SPATA1: variants seen among roughly 807,000 people sequenced by gnomAD.
SPATA1 encodes spermatogenesis associated 1, also known as spermatogenesis-associated protein 1.
A neutral mutation model predicts 59.6 loss-of-function variants in SPATA1; 57 were observed. The ratio of observed to expected loss-of-function variants is 0.96; its 90% CI spans 0.77 to 1.19. The LOEUF (loss-of-function observed/expected upper bound fraction) is 1.19, where lower values mean the gene tolerates loss of function less well. Ranked by LOEUF, SPATA1 falls within the 50% of genes most tolerant of loss-of-function variation. SPATA1 has a pLI of 0.00. For synonymous variants in SPATA1, 147 were observed against 163.9 expected (o/e 0.90, Z 0.79); for missense variants, 448 against 480.7 (o/e 0.93, Z 0.64).
chr1:84,534,476 G>A (rs1364991125), intron 8 of SPATA1, among the ~76,000 whole-genome samples: 2 of 152,040 alleles, frequency 1.3e-5, no homozygotes, highest in Non-Finnish European at 2.9e-5. Context: ...TTTTACAGAT[G>A]AGGAAACTGA....
intron 4 of SPATA1, among the ~76,000 whole-genome samples, chr1:84,559,872 G>A (rs775183113): frequency 6.4e-4 from 97 of 152,018 alleles, no homozygotes; most frequent in Middle Eastern, 3.4e-3. Context: ...ATCACTTGAG[G>A]TCAGGAGTTT....
downstream of SPATA1, among the ~76,000 whole-genome samples, chr1:84,558,289 T>C (rs1281285447): frequency 6.8e-6 from 1 of 147,586 alleles, no homozygotes; most frequent in Non-Finnish European, 1.5e-5. Flanking sequence ...TGCCTGCCAT[T>C]AAACTTTTTT....
chr1:84,525,847 T>A (rs759538063), exon 6 of SPATA1: 2 of 1,610,218 alleles, frequency 1.2e-6, no homozygotes, highest in Non-Finnish European at 1.7e-6. Flanking sequence ...TGTTTTAGGC[T>A]CTTCAACCAG....
intron 4 of SPATA1, among the ~76,000 whole-genome samples, chr1:84,565,306 C>T (rs1173503685): frequency 6.6e-6 from 1 of 151,982 alleles, no homozygotes; most frequent in African/African-American, 2.4e-5. Flanking sequence ...GCAAAGCCTA[C>T]ATCAAATGAA....
chr1:84,548,405 T>C (rs1684159035), intron 10 of SPATA1, among the ~76,000 whole-genome samples: 1 of 146,432 alleles, frequency 6.8e-6, no homozygotes, highest in African/African-American at 2.5e-5. Context: ...TTTATAGTTA[T>C]ATATGTTATA....
At chr1:84,514,458 C>G (rs943267430) in intron 1 of SPATA1, among the ~76,000 whole-genome samples, 3 of 152,098 alleles carry the variant, frequency 2.0e-5, no homozygotes, top group Non-Finnish European at 2.9e-5. Flanking sequence ...TGCATTATAT[C>G]GGTTAAACAA....
At chr1:84,515,118 C>G (rs1682740908) in intron 1 of SPATA1, among the ~76,000 whole-genome samples, 1 of 152,132 alleles carries the variant, frequency 6.6e-6, no homozygotes, top group Admixed American at 6.5e-5. Context: ...TAATTCTTAT[C>G]TAATAATGAA....
chr1:84,545,853 A>T (rs1684069287), intron 10 of SPATA1, 94 bp downstream of exon 10: 1 of 960,794 alleles, frequency 1.0e-6, no homozygotes. Flanking sequence ...TATAATTAAT[A>T]TTTACTGTTT....
intron 4 of SPATA1, 66 bp from the exon 5 acceptor site, chr1:84,525,630 A>T: frequency 2.2e-6 from 3 of 1,386,804 alleles, no homozygotes; most frequent in South Asian, 1.4e-5. Context: ...CAAAAAAAGT[A>T]GAGGTAAAAA....
chr1:84,553,083 G>T, exon 13 of SPATA1: 2 of 1,522,640 alleles, frequency 1.3e-6, no homozygotes, highest in South Asian at 1.3e-5. Flanking sequence ...AACTGAACTG[G>T]CACAGAAAAA....
intron 12 of SPATA1, chr1:84,550,748 T>G (rs1389698915): frequency 1.4e-5 from 15 of 1,095,164 alleles, no homozygotes; most frequent in Admixed American, 5.0e-5. Context: ...AAAGTAAAAT[T>G]TAGTAAAATT....
intron 8 of SPATA1, among the ~76,000 whole-genome samples, chr1:84,543,159 C>T (rs1432247759): frequency 1.3e-5 from 2 of 151,934 alleles, no homozygotes; most frequent in Admixed American, 6.6e-5. Context: ...CTACAGATAA[C>T]GGGGACTAAC....
chr1:84,509,962 T>C (rs944302219), intron 1 of SPATA1, among the ~76,000 whole-genome samples: 9 of 152,172 alleles, frequency 5.9e-5, no homozygotes, highest in African/African-American at 1.9e-4. Flanking sequence ...CTGAAGCAGG[T>C]AGATTTCTCG....
At chr1:84,520,129 A>G (rs1309966314) in intron 2 of SPATA1, 1 of 152,782 alleles carries the variant, frequency 6.5e-6, no homozygotes, top group Non-Finnish European at 1.5e-5. Context: ...CCCAAACCAC[A>G]GTATTAAACT....
intron 6 of SPATA1, among the ~76,000 whole-genome samples, chr1:84,531,319 C>T (rs1052541234): frequency 6.6e-6 from 1 of 151,604 alleles, no homozygotes; most frequent in South Asian, 2.1e-4. Context: ...CGTGCCACCA[C>T]ACCTGGCTAA....
rs1418811205 is a variant in SPATA1 at position 84,545,657 on chromosome 1, A to T, written c.844A>T (p.Lys282Ter). 1 of 1,518,410 alleles carries T rather than the reference A, an allele frequency of 6.6e-7. No individual in the cohort carries two copies. Among genetic ancestry groups the T allele is most frequent in the African/African-American group, 1.4e-5 (1 of 69,934 alleles). The allele number at this position is 1,518,410 out of a possible 1,614,324, so 94.1% of individuals were successfully genotyped here. Residue 282 changes from lysine to a stop codon, truncating the protein, a stop_gained, in exon 10 of 13, where the codon AAA (lysine) becomes TAA (stop). Coordinates refer to ENST00000490879, the Ensembl canonical transcript of SPATA1. LOFTEE classifies it high-confidence loss of function. ...AGGAGAGAAGATTATCAAACAAATGAAACAAGTAAAGGAAGAAAGAAGGTA... is the reference window on the plus strand; with the variant it reads ...AGGAGAGAAGATTATCAAACAAATGTAACAAGTAAAGGAAGAAAGAAGGTA...
chr1:84,548,995 A>C, intron 11 of SPATA1, 31 bp downstream of exon 11: 1 of 1,511,730 alleles, frequency 6.6e-7, no homozygotes, highest in Non-Finnish European at 8.8e-7. Context: ...CTTCCGTTAG[A>C]GAAGTTCTGT....
chr1:84,526,059 A>G (rs749881212), exon 6 of SPATA1: 2 of 1,608,162 alleles, frequency 1.2e-6, no homozygotes, highest in Non-Finnish European at 1.7e-6. Context: ...CTTCCTAACA[A>G]GAATCAGGAA....
intron 2 of SPATA1, chr1:84,520,107 A>G (rs533545179): frequency 5.2e-5 from 8 of 152,584 alleles, no homozygotes; most frequent in Admixed American, 3.3e-4. Flanking sequence ...ATTCTGGGGA[A>G]TAAGTACATT....
Sources: gnomAD v4.1 joint callset for allele counts (sites outside exome capture counted in the v4.1 genomes callset) on GRCh38, gnomAD v4.1.1 for gene constraint, MANE v1.5 for transcripts, NCBI Gene and HGNC (gene_info 2026-07-23, HGNC 2026-07-21) for gene names.